The following EPHA6 variants were observed in gnomAD, a reference collection of about 807,000 sequenced individuals.
EPHA6 encodes EPH receptor A6.
EPHA6 carries 50 observed loss-of-function variants against 112.0 expected under a neutral mutation model. That is an observed-to-expected ratio of 0.45 (90% CI 0.36 to 0.56). The LOEUF (loss-of-function observed/expected upper bound fraction) is 0.56. EPHA6 is among the 20% of genes least tolerant of loss of function. The pLI is 0.00. For synonymous variants in EPHA6, 529 were observed against 490.7 expected, an observed-to-expected ratio of 1.08 and a Z score of -1.03; for missense variants, 1,280 against 1,417.4, an observed-to-expected ratio of 0.90 and a Z score of 1.56.
intron 3 of EPHA6, among the ~76,000 whole-genome samples, chr3:97,033,040 C>A (rs144103327): frequency 1.3e-5 from 2 of 151,388 alleles, no homozygotes; most frequent in Non-Finnish European, 3.0e-5. Context: ...AATATGAAAC[C>A]TTCCCAAATG....
At chr3:97,170,033 T>G (rs568469583) in intron 3 of EPHA6, among the ~76,000 whole-genome samples, 5 of 151,824 alleles carry the variant, frequency 3.3e-5, no homozygotes, top group African/African-American at 1.2e-4. Flanking sequence ...ACAACCTAGA[T>G]GACGGATTGA....
At chr3:96,941,684 G>T (rs1416925831) in intron 2 of EPHA6, among the ~76,000 whole-genome samples, 2 of 152,194 alleles carry the variant, frequency 1.3e-5, no homozygotes, top group African/African-American at 4.8e-5. Flanking sequence ...CTGCTTTTTA[G>T]AGTTTCCAGT....
At chr3:96,935,341 A>G (rs999565049) in intron 2 of EPHA6, among the ~76,000 whole-genome samples, 4 of 151,744 alleles carry the variant, frequency 2.6e-5, no homozygotes, top group African/African-American at 4.8e-5. Flanking sequence ...TCCAGGATAC[A>G]ATATTATCTT....
At chr3:96,957,010 G>A (rs1202243522) in intron 2 of EPHA6, among the ~76,000 whole-genome samples, 2 of 149,288 alleles carry the variant, frequency 1.3e-5, no homozygotes, top group Admixed American at 1.3e-4. Flanking sequence ...TCCAGCCTGG[G>A]TGACAAGAGT....
At chr3:97,746,929 A>G (rs939836026) in intron 16 of EPHA6, among the ~76,000 whole-genome samples, 1 of 151,978 alleles carries the variant, frequency 6.6e-6, no homozygotes, top group Non-Finnish European at 1.5e-5. Flanking sequence ...TGATCAATGA[A>G]TTCACCATAA....
intron 3 of EPHA6, among the ~76,000 whole-genome samples, chr3:97,088,478 G>T (rs1353311354): frequency 1.3e-5 from 2 of 152,036 alleles, no homozygotes; most frequent in African/African-American, 4.8e-5. Flanking sequence ...CAAGTCTGTG[G>T]GTTCTCTGGA....
chr3:96,934,061 A>T (rs954674127), intron 2 of EPHA6, among the ~76,000 whole-genome samples: 2 of 152,046 alleles, frequency 1.3e-5, no homozygotes, highest in African/African-American at 4.8e-5. Flanking sequence ...CATATTGTTC[A>T]TGCTAAAATA....
intron 16 of EPHA6, among the ~76,000 whole-genome samples, chr3:97,743,549 A>G (rs1017761160): frequency 6.6e-6 from 1 of 152,240 alleles, no homozygotes; most frequent in Non-Finnish European, 1.5e-5. Flanking sequence ...GCATCCACAT[A>G]TAGAATAGTA....
At chr3:97,375,102 A>T (rs2085277030) in intron 5 of EPHA6, among the ~76,000 whole-genome samples, 1 of 152,144 alleles carries the variant, frequency 6.6e-6, no homozygotes, top group Non-Finnish European at 1.5e-5. Flanking sequence ...CACAAATTAA[A>T]GGTTCTCTGT....
chr3:97,244,849 G>C (rs2078941372), intron 5 of EPHA6, among the ~76,000 whole-genome samples: 1 of 151,978 alleles, frequency 6.6e-6, no homozygotes, highest in Non-Finnish European at 1.5e-5. Context: ...GATGAATTCA[G>C]CTAAATGTTC....
intron 2 of EPHA6, among the ~76,000 whole-genome samples, chr3:96,899,562 G>A (rs528990811): frequency 6.6e-6 from 1 of 152,292 alleles, no homozygotes; most frequent in African/African-American, 2.4e-5. Context: ...TGATCAGTGT[G>A]TGTCCCTTTC....
chr3:97,075,174 A>G (rs2046476950), intron 3 of EPHA6, among the ~76,000 whole-genome samples: 3 of 152,182 alleles, frequency 2.0e-5, no homozygotes, highest in Admixed American at 2.0e-4. Context: ...CAGAGTAGAA[A>G]AGAGATGAGC....
intron 14 of EPHA6, chr3:97,646,095 A>G (rs12488895): frequency 0.1 from 153,946 of 1,509,790 alleles, 8,861 homozygotes; most frequent in Middle Eastern, 0.15. Context: ...GGCATTTTCC[A>G]TTAAAATGAC....
rs114720896 is a variant in EPHA6 at position 97,522,787 on chromosome 3, A to G, written c.2201-9571A>G. 7.2e-3 allele frequency among the ~76,000 whole-genome samples: 1,095 copies of G among 152,110 alleles called. 11 individuals are homozygous for G. Among genetic ancestry groups the G allele is most frequent in the African/African-American group, 0.025 (1,044 of 41,524 alleles). ...CCTCGTAGATTCCATGTTTCTAGGA[A>G]TTTATCAATTTCTTCTAAATTATCC... On this transcript the variant is annotated intron_variant, in intron 10 of 17. Coordinates refer to ENST00000389672, the MANE Select transcript of EPHA6 (RefSeq NM_001080448.3).
At chr3:97,205,568 C>G (rs2077694300) in intron 3 of EPHA6, among the ~76,000 whole-genome samples, 2 of 151,884 alleles carry the variant, frequency 1.3e-5, no homozygotes, top group African/African-American at 4.8e-5. Flanking sequence ...CCTATGTAAA[C>G]AGAAGGTTGA....
At chr3:97,633,521 T>A (rs138157529) in intron 13 of EPHA6, among the ~76,000 whole-genome samples, 1 of 152,092 alleles carries the variant, frequency 6.6e-6, no homozygotes, top group Non-Finnish European at 1.5e-5. Context: ...TTCGATTCAA[T>A]TTGAATTAAT....
intron 3 of EPHA6, among the ~76,000 whole-genome samples, chr3:97,062,108 G>A (rs1013253372): frequency 1.3e-5 from 2 of 152,068 alleles, no homozygotes; most frequent in African/African-American, 4.8e-5. Flanking sequence ...AGTGTATAAT[G>A]GAGAATGAGT....
At chr3:97,336,172 A>G (rs1335238776) in intron 5 of EPHA6, among the ~76,000 whole-genome samples, 1 of 152,134 alleles carries the variant, frequency 6.6e-6, no homozygotes, top group African/African-American at 2.4e-5. Context: ...AAGGCAGTCT[A>G]GTCCCCAGGT....
intron 3 of EPHA6, among the ~76,000 whole-genome samples, chr3:97,092,756 T>TA (rs1576473245): frequency 6.6e-6 from 1 of 152,166 alleles, no homozygotes; most frequent in East Asian, 1.9e-4. Flanking sequence ...CAGGAGAACA[T>TA]ATATGAGTCA....
Sources: gnomAD v4.1 joint callset for allele counts (sites outside exome capture counted in the v4.1 genomes callset) on GRCh38, gnomAD v4.1.1 for gene constraint, MANE v1.5 for transcripts, NCBI Gene and HGNC (gene_info 2026-07-23, HGNC 2026-07-21) for gene names.